PRH1: variants seen among roughly 807,000 people sequenced by gnomAD.
The protein encoded by PRH1 is salivary acidic proline-rich phosphoprotein 1/2.
A neutral mutation model predicts 7.9 loss-of-function variants in PRH1; 7 were observed. The ratio of observed to expected loss-of-function variants is 0.89; its 90% confidence interval spans 0.50 to 1.67. The LOEUF (loss-of-function observed/expected upper bound fraction) is 1.67. Among genes scored for constraint, PRH1 ranks in the 40% most tolerant of loss-of-function variants. The pLI is 0.00. For synonymous variants in PRH1, 45 were observed against 80.8 expected, an observed-to-expected ratio of 0.56 and a Z score of 2.38; for missense variants, 109 against 223.6, an observed-to-expected ratio of 0.49 and a Z score of 3.27.
intron 1 of PRH1, among the ~76,000 whole-genome samples, chr12:11,040,407 C>T (rs1942658746): frequency 6.6e-6 from 1 of 152,178 alleles, no homozygotes; most frequent in Non-Finnish European, 1.5e-5. Flanking sequence ...GAGTTCATGT[C>T]CTTTGCAGGG....
chr12:10,962,182 T>A (rs1273194458), intron 2 of PRH1, among the ~76,000 whole-genome samples: 1 of 152,228 alleles, frequency 6.6e-6, no homozygotes, highest in East Asian at 1.9e-4. Context: ...TTCTGTGATT[T>A]TATAATATGG....
At chr12:10,910,056 C>A (rs532783386) in intron 2 of PRH1, among the ~76,000 whole-genome samples, 3 of 152,210 alleles carry the variant, frequency 2.0e-5, no homozygotes, top group African/African-American at 7.2e-5. Flanking sequence ...AAATCAGCAA[C>A]AGCTACCAAA....
intron 1 of PRH1, among the ~76,000 whole-genome samples, chr12:11,128,306 G>A (rs931607187): frequency 1.3e-5 from 2 of 152,020 alleles, no homozygotes; most frequent in African/African-American, 4.8e-5. Context: ...CTCCAATCCT[G>A]GATTTTGTTT....
intron 1 of PRH1, among the ~76,000 whole-genome samples, chr12:11,123,404 A>G (rs1945983760): frequency 6.6e-6 from 1 of 152,170 alleles, no homozygotes; most frequent in East Asian, 1.9e-4. Flanking sequence ...AGAAAAGCCC[A>G]AAACAGTTTG....
chr12:10,981,621 C>A (rs931678537), intron 1 of PRH1, among the ~76,000 whole-genome samples: 6 of 151,994 alleles, frequency 3.9e-5, no homozygotes, highest in Non-Finnish European at 7.4e-5. Context: ...GTGATCCAAC[C>A]ACTCAGCCAC....
intron 2 of PRH1, among the ~76,000 whole-genome samples, chr12:10,950,114 C>T (rs1950546542): frequency 6.6e-6 from 1 of 152,018 alleles, no homozygotes; most frequent in African/African-American, 2.4e-5. Flanking sequence ...CTGTATAGTA[C>T]TCTACCGCAT....
intron 1 of PRH1, among the ~76,000 whole-genome samples, chr12:11,054,734 G>T (rs200296302): frequency 0.018 from 421 of 23,868 alleles, no homozygotes; most frequent in East Asian, 0.14. Flanking sequence ...CATAAATAAT[G>T]AAATTGGAAA....
chr12:10,918,606 C>T (rs986030082), intron 2 of PRH1, among the ~76,000 whole-genome samples: 1 of 152,102 alleles, frequency 6.6e-6, no homozygotes, highest in South Asian at 2.1e-4. Context: ...GACAAAGTCC[C>T]CTACAAAATG....
chr12:10,933,076 A>G (rs1341969478), intron 2 of PRH1, among the ~76,000 whole-genome samples: 7 of 152,162 alleles, frequency 4.6e-5, no homozygotes, highest in Non-Finnish European at 8.8e-5. Context: ...AAAATTGGCA[A>G]AAGATTGTGA....
chr12:10,882,961 A>G (rs1949431013), intron 2 of PRH1, 100 bp downstream of exon 2: 1 of 1,520,148 alleles, frequency 6.6e-7, no homozygotes, highest in Non-Finnish European at 9.1e-7. Context: ...GTATTAGCCA[A>G]TTCCTGACAA....
intron 1 of PRH1, among the ~76,000 whole-genome samples, chr12:10,985,241 T>C (rs1198186067): frequency 1.3e-5 from 2 of 152,134 alleles, no homozygotes; most frequent in African/African-American, 4.8e-5. Context: ...GACTTTTTTC[T>C]CAAATGTTCA....
At chr12:11,142,252 G>A (rs923340324) in intron 1 of PRH1, among the ~76,000 whole-genome samples, 1 of 152,190 alleles carries the variant, frequency 6.6e-6, no homozygotes. Context: ...TCAGCACAAG[G>A]AGAGTCTTTA....
intron 1 of PRH1, among the ~76,000 whole-genome samples, chr12:11,079,424 T>G (rs1384483620): frequency 0.012 from 924 of 77,684 alleles, 2 homozygotes; most frequent in Admixed American, 0.017. Context: ...GCCACTGCCT[T>G]ATCTACACTA....
intron 1 of PRH1, among the ~76,000 whole-genome samples, chr12:11,165,549 A>G (rs1947549252): frequency 6.6e-6 from 1 of 152,078 alleles, no homozygotes; most frequent in African/African-American, 2.4e-5. Flanking sequence ...TAACACATTA[A>G]TCATAATTAT....
chr12:10,992,235 C>T (rs982227225), intron 1 of PRH1, among the ~76,000 whole-genome samples: 5 of 152,142 alleles, frequency 3.3e-5, no homozygotes, highest in African/African-American at 1.2e-4. Flanking sequence ...TTCTCAAGCA[C>T]CTGTAGCCAT....
chr12:10,913,782 C>G (rs527362093), intron 2 of PRH1, among the ~76,000 whole-genome samples: 1 of 152,174 alleles, frequency 6.6e-6, no homozygotes, highest in African/African-American at 2.4e-5. Context: ...CACTATAAGA[C>G]TGCAAATTTC....
intron 2 of PRH1, among the ~76,000 whole-genome samples, chr12:10,916,156 C>T (rs1332966890): frequency 6.6e-6 from 1 of 152,124 alleles, no homozygotes; most frequent in Non-Finnish European, 1.5e-5. Flanking sequence ...CAAGGCAACT[C>T]CCCTTTATAA....
intron 1 of PRH1, among the ~76,000 whole-genome samples, chr12:11,013,634 A>G (rs1195608056): frequency 6.6e-6 from 1 of 152,178 alleles, no homozygotes; most frequent in East Asian, 1.9e-4. Context: ...CAATCTATTG[A>G]TATTAAAATT....
intron 1 of PRH1, among the ~76,000 whole-genome samples, chr12:11,136,959 T>A (rs2136382791): frequency 6.6e-6 from 1 of 152,332 alleles, no homozygotes; most frequent in South Asian, 2.1e-4. Context: ...TGGTCACAAT[T>A]TTCTTCTTTT....
Sources: allele counts gnomAD v4.1 joint callset (sites outside exome capture counted in the v4.1 genomes callset), GRCh38; gene constraint gnomAD v4.1.1; transcripts MANE v1.5; gene names NCBI Gene and HGNC (gene_info 2026-07-23, HGNC 2026-07-21).